Variants in NTRK3 observed in about 807,000 individuals in gnomAD.
NTRK3 encodes the protein neurotrophic receptor tyrosine kinase 3.
Under a neutral mutation model 91.7 loss-of-function variants are expected in NTRK3, and 24 were observed. The observed-to-expected ratio is 0.26, with a 90% CI of 0.19 to 0.37. The LOEUF is 0.37. NTRK3 is among the 10% of genes least tolerant of loss of function. The pLI is 1.00. For synonymous variants in NTRK3, 483 were observed against 404.0 expected (o/e 1.20, Z -2.34); for missense variants, 880 against 1,068.9 (o/e 0.82, Z 2.46).
At chr15:87,919,206 T>A (rs1232566207) in intron 17 of NTRK3, among the ~76,000 whole-genome samples, 1 of 151,864 alleles carries the variant, frequency 6.6e-6, no homozygotes, top group Non-Finnish European at 1.5e-5. Flanking sequence ...ATGTCAGGAG[T>A]CATGGCAGAG....
chr15:88,167,229 T>C (rs1017421529), intron 5 of NTRK3, among the ~76,000 whole-genome samples: 6 of 152,168 alleles, frequency 3.9e-5, no homozygotes, highest in African/African-American at 1.4e-4. Flanking sequence ...GTAAAGCCAG[T>C]GCTGCTGTGC....
At chr15:87,866,818 C>A in exon 19 of NTRK3, 1 of 199,898 alleles carries the variant, frequency 5.0e-6, no homozygotes, top group Non-Finnish European at 1.0e-5. Flanking sequence ...TTTTTTTTCC[C>A]CCTCAAGATT....
At chr15:88,145,965 G>C (rs1437798971) in intron 6 of NTRK3, among the ~76,000 whole-genome samples, 2 of 152,192 alleles carry the variant, frequency 1.3e-5, no homozygotes, top group Admixed American at 1.3e-4. Context: ...CCACTATTCA[G>C]TGAGTGACCT....
At chr15:87,870,864 A>G (rs903687943) in exon 19 of NTRK3, 12 of 226,424 alleles carry the variant, frequency 5.3e-5, no homozygotes, top group Non-Finnish European at 8.8e-5. Context: ...TTTGTCAGCT[A>G]GAAGTATCCC....
At chr15:87,929,673 G>A (rs1255790802) in intron 16 of NTRK3, among the ~76,000 whole-genome samples, 1 of 152,176 alleles carries the variant, frequency 6.6e-6, no homozygotes, top group Non-Finnish European at 1.5e-5. Context: ...ATGGAAGAGG[G>A]AATAAACCTA....
chr15:88,046,221 C>A (rs2080178358), intron 13 of NTRK3, among the ~76,000 whole-genome samples: 1 of 152,180 alleles, frequency 6.6e-6, no homozygotes, highest in African/African-American at 2.4e-5. Flanking sequence ...GGAACTGTAG[C>A]AATATGTACC....
chr15:88,089,294 C>T (rs1205655375), intron 13 of NTRK3, among the ~76,000 whole-genome samples: 1 of 152,164 alleles, frequency 6.6e-6, no homozygotes, highest in Non-Finnish European at 1.5e-5. Flanking sequence ...AATTTAATAA[C>T]CAAGAGGCTT....
chr15:88,201,293 C>T (rs2048285000), intron 3 of NTRK3, among the ~76,000 whole-genome samples: 1 of 152,168 alleles, frequency 6.6e-6, no homozygotes, highest in African/African-American at 2.4e-5. Context: ...TTTTCCTCAC[C>T]AGCATGCCAT....
At chr15:88,222,472 T>G (rs979681399) in intron 3 of NTRK3, among the ~76,000 whole-genome samples, 2 of 152,228 alleles carry the variant, frequency 1.3e-5, no homozygotes, top group Admixed American at 1.3e-4. Flanking sequence ...ACAACAATCA[T>G]ATTTTTTAAA....
At chr15:87,912,813 A>G (rs2067167487) in intron 17 of NTRK3, among the ~76,000 whole-genome samples, 1 of 151,770 alleles carries the variant, frequency 6.6e-6, no homozygotes, top group African/African-American at 2.4e-5. Context: ...GTGGAGTAAT[A>G]AAAATGCATA....
intron 13 of NTRK3, among the ~76,000 whole-genome samples, chr15:88,051,098 T>C (rs1183772817): frequency 6.6e-6 from 1 of 152,168 alleles, no homozygotes; most frequent in Non-Finnish European, 1.5e-5. Flanking sequence ...TAACCACATC[T>C]CCTACCAGCA....
chr15:88,040,317 C>T (rs1212351389), intron 13 of NTRK3, among the ~76,000 whole-genome samples: 1 of 152,152 alleles, frequency 6.6e-6, no homozygotes, highest in East Asian at 1.9e-4. Flanking sequence ...AGCCCCAGTC[C>T]CAAGAGAGGA....
chr15:88,254,063 A>G (rs1162386560), intron 3 of NTRK3, among the ~76,000 whole-genome samples: 1 of 152,134 alleles, frequency 6.6e-6, no homozygotes, highest in Non-Finnish European at 1.5e-5. Context: ...CAGCTCACCC[A>G]TTCCCAGAGA....
intron 13 of NTRK3, among the ~76,000 whole-genome samples, chr15:88,040,636 C>T (rs4887349): frequency 0.97 from 147,631 of 152,256 alleles, 71,593 homozygotes; most frequent in East Asian, 1. Flanking sequence ...CATTGACAAT[C>T]CTCAGAAATG....
exon 19 of NTRK3, chr15:87,862,221 G>A (rs144713996): frequency 8.5e-4 from 189 of 222,794 alleles, no homozygotes; most frequent in African/African-American, 3.4e-3. Flanking sequence ...AGAGGACAAG[G>A]AATGGAAGGA....
intron 5 of NTRK3, among the ~76,000 whole-genome samples, chr15:88,164,299 G>A (rs2044733374): frequency 6.6e-6 from 1 of 152,204 alleles, no homozygotes; most frequent in South Asian, 2.1e-4. Context: ...TGCCCCAGAT[G>A]TCTTGGTTTA....
At chr15:88,068,786 G>A (rs1356396499) in intron 13 of NTRK3, among the ~76,000 whole-genome samples, 3 of 152,028 alleles carry the variant, frequency 2.0e-5, no homozygotes, top group African/African-American at 7.2e-5. Flanking sequence ...GGGCAAGGAG[G>A]GAGCAGATTT....
chr15:88,242,826 G>A (rs1171870264), intron 3 of NTRK3, among the ~76,000 whole-genome samples: 5 of 152,228 alleles, frequency 3.3e-5, no homozygotes, highest in African/African-American at 1.2e-4. Context: ...GCACCCCACA[G>A]CCTAGGTACA....
intron 3 of NTRK3, among the ~76,000 whole-genome samples, chr15:88,206,531 G>A (rs1179179016): frequency 1.3e-4 from 18 of 141,406 alleles, no homozygotes; most frequent in South Asian, 4.6e-4. Flanking sequence ...GGTGGCGGGC[G>A]CCTGTAGTCC....
Sources: gnomAD v4.1 joint callset for allele counts (sites outside exome capture counted in the v4.1 genomes callset) on GRCh38, gnomAD v4.1.1 for gene constraint, MANE v1.5 for transcripts, NCBI Gene and HGNC (gene_info 2026-07-23, HGNC 2026-07-21) for gene names.